Variants in ANKRD44 observed in about 807,000 individuals in gnomAD.
ANKRD44 encodes serine/threonine-protein phosphatase 6 regulatory ankyrin repeat subunit B.
ANKRD44 carries 35 observed loss-of-function variants against 116.0 expected under a neutral mutation model. That is an observed-to-expected ratio of 0.30 (90% CI 0.23 to 0.40). ANKRD44 has a LOEUF of 0.40. Among genes scored for constraint, ANKRD44 ranks in the 10% least tolerant of loss-of-function variants. ANKRD44 has a pLI of 1.00. For missense variants in ANKRD44, 1,014 were observed against 1,242.6 expected, an observed-to-expected ratio of 0.82 and a Z score of 2.77; for synonymous variants, 435 against 461.8, an observed-to-expected ratio of 0.94 and a Z score of 0.74.
intron 17 of ANKRD44, among the ~76,000 whole-genome samples, chr2:197,016,254 C>G (rs919423823): frequency 3.3e-5 from 5 of 152,170 alleles, no homozygotes; most frequent in African/African-American, 1.2e-4. Context: ...CAATGTAATG[C>G]CATTTAGATG....
chr2:197,294,548 C>T (rs933312970), intron 1 of ANKRD44, among the ~76,000 whole-genome samples: 3 of 152,022 alleles, frequency 2.0e-5, no homozygotes, highest in African/African-American at 7.2e-5. Flanking sequence ...GGAAACCACA[C>T]ACACACATAT....
In ANKRD44 at chr2:197,197,827, A is replaced by AAAAGAAAG. The variant is rs200814475; in HGVS notation, c.28-10729_28-10722dup. Among the ~76,000 whole-genome samples the AAAAGAAAG allele has an allele frequency of 6.6e-5, 3 of 45,158 alleles. No homozygotes were observed. The Admixed American group carries it at 1.3e-3, about 19-fold the overall frequency. The allele number at this position is 45,158 out of a possible 152,430, so 29.6% of individuals were successfully genotyped here. A position where few individuals can be genotyped will look rare whatever the true frequency, so the allele number is the denominator to read the frequency against. On this transcript the variant is annotated intron_variant, in intron 1 of 27. Transcript: ENST00000282272. ...CCTGTCTCAAAAAAAAAAAAAAAAA[A>AAAAGAAAG]AAAGAAAGAAAGAAACACAGAAAAA...
chr2:197,013,425 G>T, intron 18 of ANKRD44, 86 bp downstream of exon 18: 1 of 1,399,062 alleles, frequency 7.1e-7, no homozygotes, highest in Non-Finnish European at 9.9e-7. Context: ...TAAAAAACTG[G>T]GATGAAAGAA....
Position 196,987,756 on chromosome 2 carries a change from A to G in ANKRD44, c.*1835T>C. 1.0e-6 allele frequency: 1 copy of G among 985,454 alleles called. No individual in the cohort carries two copies. The highest frequency in any genetic ancestry group is 1.2e-6 in the Non-Finnish European group (1 of 829,926). 61.0% of individuals were successfully genotyped at this position (985,454 alleles called of 1,614,324 possible). On this transcript the variant is annotated 3_prime_UTR_variant, in exon 28 of 28. Coordinates refer to ENST00000282272, the MANE Select transcript of ANKRD44 (RefSeq NM_001195144.2). Reference sequence around the variant, plus strand: ...GGCAAATAAGTAAGTGCAATGAAACATGATCCTTGTAGTTGTGGTTAAAAT... The same window carrying G: ...GGCAAATAAGTAAGTGCAATGAAACGTGATCCTTGTAGTTGTGGTTAAAAT...
chr2:196,985,839 G>A (rs1367251007), downstream of ANKRD44, among the ~76,000 whole-genome samples: 1 of 152,134 alleles, frequency 6.6e-6, no homozygotes, highest in African/African-American at 2.4e-5. Context: ...TACTACTCAA[G>A]ATGAAAAATT....
intron 2 of ANKRD44, among the ~76,000 whole-genome samples, chr2:197,164,749 C>T (rs1414822103): frequency 6.6e-6 from 1 of 152,180 alleles, no homozygotes; most frequent in East Asian, 1.9e-4. Context: ...CCTCAGCCTC[C>T]TCCATGCATT....
In ANKRD44 at chr2:197,175,634, G is replaced by A. The variant is rs949021006; in HGVS notation, c.111+11389C>T. ...TCCCAGGTGCTCAAAGCAGAAAAAAGTTGCAGCAATGTGATTCCTTCAATG... is the reference window on the plus strand; with the variant it reads ...TCCCAGGTGCTCAAAGCAGAAAAAAATTGCAGCAATGTGATTCCTTCAATG... On this transcript the variant is annotated intron_variant, in intron 2 of 27. Transcript: ENST00000282272. Among the ~76,000 whole-genome samples the A allele has an allele frequency of 2.0e-5, 3 of 152,090 alleles. No homozygotes were observed. The East Asian group carries it at 5.8e-4, about 29-fold the overall frequency.
intron 1 of ANKRD44, chr2:197,199,035 C>T (rs1211062759): frequency 2.6e-5 from 4 of 152,172 alleles, no homozygotes; most frequent in Admixed American, 6.5e-5. Flanking sequence ...TGTGGCTTGC[C>T]GAGCCTGGTT....
chr2:197,038,993 C>T (rs2076858767), intron 16 of ANKRD44, among the ~76,000 whole-genome samples: 1 of 152,140 alleles, frequency 6.6e-6, no homozygotes, highest in Non-Finnish European at 1.5e-5. Flanking sequence ...GGAGGTCCCA[C>T]AGCAGCTTTG....
chr2:197,194,850 C>T (rs1047622296), intron 1 of ANKRD44, among the ~76,000 whole-genome samples: 5 of 152,052 alleles, frequency 3.3e-5, no homozygotes, highest in South Asian at 2.1e-4. Flanking sequence ...GAGGGGGCTC[C>T]GCATGGGTCT....
chr2:197,310,703 A>T lies in ANKRD44; in HGVS notation c.-99T>A, dbSNP rs2084233177. On this transcript the variant is annotated 5_prime_UTR_variant, in exon 1 of 28. Coordinates refer to ENST00000282272, the MANE Select transcript of ANKRD44 (RefSeq NM_001195144.2). ...GAAGGGATTGCCAGGAGAAGGGAAAAAATCTGGCTCCCGAATTTGACAGCC... is the reference window on the plus strand; with the variant it reads ...GAAGGGATTGCCAGGAGAAGGGAAATAATCTGGCTCCCGAATTTGACAGCC... 2 of 1,212,862 alleles carry T rather than the reference A, an allele frequency of 1.6e-6. No individual in the cohort carries two copies. The highest frequency in any genetic ancestry group is 3.3e-5 in the African/African-American group (2 of 61,072). 75.1% of individuals were successfully genotyped at this position (1,212,862 alleles called of 1,614,324 possible). A position where few individuals can be genotyped will look rare whatever the true frequency, so the allele number is the denominator to read the frequency against.
intron 16 of ANKRD44, among the ~76,000 whole-genome samples, chr2:197,037,211 T>G (rs1269131891): frequency 6.6e-6 from 1 of 152,252 alleles, no homozygotes; most frequent in Non-Finnish European, 1.5e-5. Flanking sequence ...CTAAACTTCC[T>G]ACAACAAATA....
chr2:197,165,168 T>TCTGG (rs919246759), intron 2 of ANKRD44, among the ~76,000 whole-genome samples: 2 of 152,208 alleles, frequency 1.3e-5, no homozygotes, highest in African/African-American at 2.4e-5. Flanking sequence ...ACACGCCCCT[T>TCTGG]CTGGCTGGCT....
intron 16 of ANKRD44, among the ~76,000 whole-genome samples, chr2:197,039,692 T>C (rs1458565092): frequency 0.016 from 1,609 of 98,466 alleles, 11 homozygotes; most frequent in Middle Eastern, 0.027. Flanking sequence ...TGTGTGTGTG[T>C]GTGTGTGTGT....
At position 197,000,450 on chromosome 2, in the gene ANKRD44, TG is replaced by T; in HGVS notation, c.2487del (p.Ser830ValfsTer30). On this transcript the variant is annotated frameshift_variant, in exon 23 of 28. Transcript: ENST00000282272. LOFTEE classifies it high-confidence loss of function. ...TTGTCATCTCTACAACTGACGATAC[TG>T]GAATCTATGGCCCCAAGCAGCAATG... is the stretch of plus-strand genomic sequence containing the variant. ...CASLLLGAID[S>X]SIVSCRDDKG... The T allele has an allele frequency of 6.2e-7, 1 of 1,614,136 alleles. No homozygotes were observed. Among genetic ancestry groups the T allele is most frequent in the Non-Finnish European group, 8.5e-7 (1 of 1,179,992 alleles).
intron 4 of ANKRD44, among the ~76,000 whole-genome samples, chr2:197,131,759 C>T (rs559567860): frequency 6.6e-6 from 1 of 152,294 alleles, no homozygotes; most frequent in African/African-American, 2.4e-5. Flanking sequence ...ATACTGTATA[C>T]TAAAACTAAA....
intron 1 of ANKRD44, among the ~76,000 whole-genome samples, chr2:197,238,439 A>G (rs1008790908): frequency 1.3e-5 from 2 of 152,214 alleles, no homozygotes; most frequent in African/African-American, 2.4e-5. Flanking sequence ...GCACTAGTAA[A>G]TTGATTGTTC....
intron 1 of ANKRD44, among the ~76,000 whole-genome samples, chr2:197,238,764 G>A (rs753162674): frequency 6.6e-6 from 1 of 151,600 alleles, no homozygotes; most frequent in Non-Finnish European, 1.5e-5. Context: ...AAGTGCAGTG[G>A]TACGATCTCA....
intron 9 of ANKRD44, among the ~76,000 whole-genome samples, chr2:197,110,223 C>T (rs1456608589): frequency 6.6e-6 from 1 of 152,086 alleles, no homozygotes; most frequent in Non-Finnish European, 1.5e-5. Flanking sequence ...GTGATCTGCC[C>T]ACCTCGGCCT....
Sources: gnomAD v4.1 joint callset for allele counts (sites outside exome capture counted in the v4.1 genomes callset) on GRCh38, gnomAD v4.1.1 for gene constraint, MANE v1.5 for transcripts, NCBI Gene and HGNC (gene_info 2026-07-23, HGNC 2026-07-21) for gene names.